The following GAK variants were observed in gnomAD, a reference collection of about 807,000 sequenced individuals.
GAK encodes cyclin-G-associated kinase.
A neutral mutation model predicts 143.9 loss-of-function variants in GAK; 79 were observed. The observed-to-expected ratio is 0.55, with a 90% confidence interval of 0.46 to 0.66. The LOEUF is 0.66. Ranked by LOEUF, GAK falls within the 30% of genes least tolerant of loss-of-function variation. GAK has a pLI of 0.00. For synonymous variants in GAK, 881 were observed against 765.5 expected (o/e 1.15, Z -2.49); for missense variants, 1,693 against 1,779.7 (o/e 0.95, Z 0.88).
intron 4 of GAK, among the ~76,000 whole-genome samples, chr4:910,828 C>A (rs1721925831): frequency 6.6e-6 from 1 of 152,176 alleles, no homozygotes. Flanking sequence ...TCCCCGAGTG[C>A]TCGACTTCCC....
chr4:906,261 A>T (rs1721065458), intron 4 of GAK, among the ~76,000 whole-genome samples: 1 of 152,250 alleles, frequency 6.6e-6, no homozygotes, highest in South Asian at 2.1e-4. Context: ...TACAAAGAGA[A>T]ATGACTACAA....
At chr4:904,176 G>C in intron 5 of GAK, among the ~76,000 whole-genome samples, 1 of 151,448 alleles carries the variant, frequency 6.6e-6, no homozygotes, top group Non-Finnish European at 1.5e-5. Context: ...AGTGGGACCC[G>C]CACACAGAGG....
intron 23 of GAK, among the ~76,000 whole-genome samples, chr4:861,833 T>G (rs1230281079): frequency 6.6e-6 from 1 of 152,214 alleles, no homozygotes; most frequent in East Asian, 1.9e-4. Context: ...AAGGTCAAAC[T>G]AGCCACAACA....
rs751145111 is a variant in GAK, at chr4:849,955, C to A, written c.3771G>T (p.Leu1257=). The A allele has an allele frequency of 2.2e-5, 35 of 1,611,738 alleles. No individual in the cohort carries two copies. Among genetic ancestry groups the A allele is most frequent in the Non-Finnish European group, 3.0e-5 (35 of 1,179,378 alleles). The change falls in exon 27 of 28, where the codon CTG becomes CTT. Residue 1257 remains leucine (L), a synonymous_variant. Coordinates refer to ENST00000314167, the MANE Select transcript of GAK (RefSeq NM_005255.4). ...SRWTPVGMAD[L]VAPEQVKKHY... is the part of the protein sequence containing the mutation. ...GCTTCTTCACTTGCTCCGGAGCCACCAGGTCGGCCATGCCCACGGGCGTCC... is the reference window on the plus strand; with the variant it reads ...GCTTCTTCACTTGCTCCGGAGCCACAAGGTCGGCCATGCCCACGGGCGTCC...
intron 23 of GAK, among the ~76,000 whole-genome samples, chr4:861,851 A>G (rs1318071427): frequency 6.6e-6 from 1 of 152,214 alleles, no homozygotes; most frequent in East Asian, 1.9e-4. Flanking sequence ...ACATCCTCCT[A>G]AGCCAAAGCC....
In GAK at chr4:892,175, C is replaced by T. The variant is rs566455336; in HGVS notation, c.990+1202G>A. 5.9e-3 allele frequency among the ~76,000 whole-genome samples: 902 copies of T among 152,298 alleles called. 6 individuals are homozygous for T. Among genetic ancestry groups the T allele is most frequent in the African/African-American group, 0.02 (842 of 41,560 alleles). ...GGCAGCAGCTCTGACCTTCTCCCCA[C>T]GCTCCACACCCACCGCCTGGGTCAG... On this transcript the variant is annotated intron_variant, in intron 9 of 27. Coordinates refer to ENST00000314167, the MANE Select transcript of GAK (RefSeq NM_005255.4).
At chr4:872,676 C>A (rs1206718588) in intron 18 of GAK, 1 of 152,516 alleles carries the variant, frequency 6.6e-6, no homozygotes, top group Non-Finnish European at 1.5e-5. Context: ...GCCGCTCATG[C>A]CCAGCCTCCC....
At position 882,885 on chromosome 4, in the gene GAK, A is replaced by C; in HGVS notation, c.1405-66T>G. The C allele has an allele frequency of 4.4e-6, 7 of 1,579,354 alleles. No homozygotes were observed. In the South Asian group the frequency reaches 7.8e-5, roughly 18 times the overall value. Reference sequence around the variant, plus strand: ...CCCGCCCCAGCCTTGGTCAGCTAGGAGGGACAGCCTGCCTGCAGTGCGGGG... The same window carrying C: ...CCCGCCCCAGCCTTGGTCAGCTAGGCGGGACAGCCTGCCTGCAGTGCGGGG... On this transcript the variant is annotated intron_variant, in intron 13 of 27. Coordinates refer to ENST00000314167, the MANE Select transcript of GAK (RefSeq NM_005255.4).
intron 15 of GAK, 112 bp downstream of exon 15, chr4:881,795 C>T (rs912233243): frequency 5.3e-6 from 7 of 1,315,946 alleles, no homozygotes; most frequent in African/African-American, 1.5e-5. Context: ...CTGCCTTTCC[C>T]ACCAGCGCCT....
Position 911,193 on chromosome 4 carries a change from C to T in GAK, c.382+480G>A, listed in dbSNP as rs1357946132. On this transcript the variant is annotated intron_variant, in intron 4 of 27. Coordinates refer to ENST00000314167, the MANE Select transcript of GAK (RefSeq NM_005255.4). ...AGGGACCTGGAGTTGTCCACCTCTG[C>T]GGCCTCTCTTCTCCTTGCCAGGACC... Among the ~76,000 whole-genome samples, 3 of 152,286 alleles carry T rather than the reference C, an allele frequency of 2.0e-5. No individual in the cohort carries two copies. The East Asian group carries it at 5.8e-4, about 29-fold the overall frequency.
chr4:883,609 A>C, intron 12 of GAK, 146 bp from the exon 13 acceptor site: 4 of 888,614 alleles, frequency 4.5e-6, no homozygotes, highest in East Asian at 2.5e-5. Context: ...CGGCCCCCTC[A>C]CCCTCCGTGG....
intron 1 of GAK, among the ~76,000 whole-genome samples, chr4:915,187 C>T (rs553456147): frequency 2.7e-5 from 4 of 150,856 alleles, no homozygotes; most frequent in South Asian, 2.1e-4. Flanking sequence ...ACAGCCCCAG[C>T]ATACACGGCC....
At chr4:907,694 C>T (rs1721329826) in intron 4 of GAK, among the ~76,000 whole-genome samples, 1 of 152,216 alleles carries the variant, frequency 6.6e-6, no homozygotes, top group African/African-American at 2.4e-5. Flanking sequence ...CGGAGCCCGA[C>T]CTCCAGGCCT....
At chr4:851,407 C>T (rs1748115316) in intron 25 of GAK, 1 of 482,342 alleles carries the variant, frequency 2.1e-6, no homozygotes, top group African/African-American at 1.9e-5. Flanking sequence ...AGAACAGAAA[C>T]TTTCTGCAGA....
intron 23 of GAK, among the ~76,000 whole-genome samples, chr4:861,594 AAAAG>A (rs1192212427): frequency 6.6e-6 from 1 of 152,222 alleles, no homozygotes; most frequent in African/African-American, 2.4e-5. Context: ...GTCTCTAAAA[AAAAG>A]AAAGCTGAGA....
At chr4:856,738 C>T (rs1749364319) in intron 24 of GAK, among the ~76,000 whole-genome samples, 1 of 152,126 alleles carries the variant, frequency 6.6e-6, no homozygotes, top group Non-Finnish European at 1.5e-5. Context: ...CACAGCTGCT[C>T]ACCACCACAG....
intron 19 of GAK, chr4:869,391 C>T (rs1711901910): frequency 7.2e-6 from 1 of 139,754 alleles, no homozygotes; most frequent in African/African-American, 2.7e-5. Flanking sequence ...ATGCAAAGCA[C>T]ACACAGATGC....
intron 18 of GAK, among the ~76,000 whole-genome samples, chr4:874,164 C>T (rs1435896814): frequency 6.6e-6 from 1 of 151,818 alleles, no homozygotes; most frequent in Admixed American, 6.6e-5. Flanking sequence ...TGTGTACATG[C>T]ACACGTGTGT....
At chr4:893,761 C>T (rs992115375) in intron 8 of GAK, 113 bp downstream of exon 8, 98 of 1,269,268 alleles carry the variant, frequency 7.7e-5, no homozygotes, top group South Asian at 4.7e-4. Context: ...ACTATGGTGA[C>T]GGGCGGGAGT....
Sources: gnomAD v4.1 joint callset for allele counts (sites outside exome capture counted in the v4.1 genomes callset) on GRCh38, gnomAD v4.1.1 for gene constraint, MANE v1.5 for transcripts, NCBI Gene and HGNC (gene_info 2026-07-23, HGNC 2026-07-21) for gene names.